The following BICDL1 variants were observed in gnomAD, a reference collection of about 807,000 sequenced individuals.
BICDL1 encodes the protein BICD family like cargo adaptor 1, also known as BICD family-like cargo adapter 1.
Under a neutral mutation model 76.8 loss-of-function variants are expected in BICDL1, and 20 were observed. That is an observed-to-expected ratio of 0.26 (90% CI 0.18 to 0.38). The LOEUF is 0.38. Among genes scored for constraint, BICDL1 ranks in the 10% least tolerant of loss-of-function variants. BICDL1 has a pLI of 1.00. For synonymous variants in BICDL1, 383 were observed against 337.1 expected, an observed-to-expected ratio of 1.14 and a Z score of -1.49; for missense variants, 700 against 798.6, an observed-to-expected ratio of 0.88 and a Z score of 1.49.
At chr12:120,083,344 C>T (rs958753379) in intron 8 of BICDL1, among the ~76,000 whole-genome samples, 1 of 152,062 alleles carries the variant, frequency 6.6e-6, no homozygotes, top group Non-Finnish European at 1.5e-5. Flanking sequence ...GCATCTTTGA[C>T]CTCCTGGGCT....
chr12:120,012,281 G>A (rs748782157), intron 2 of BICDL1, among the ~76,000 whole-genome samples: 5 of 152,142 alleles, frequency 3.3e-5, no homozygotes, highest in African/African-American at 1.2e-4. Flanking sequence ...GGAATGAGGA[G>A]GTGTTTATGT....
rs757052720 is a variant in BICDL1 at position 120,061,824 on chromosome 12, G to A, written c.760G>A (p.Glu254Lys). ...TATCCGGCTGGAGAGCCTTCAGGCC[G>A]AGGTGAGCCTCCCGACACAGCAGTG... ...HIIRLESLQA[E>K]IKMLSDRKRE... is the part of the protein sequence containing the mutation. The change falls in exon 3 of 10, where the codon GAG (glutamate) becomes AAG (lysine). Residue 254 changes from glutamate (E) to lysine (K), a missense_variant and splice_region_variant. Coordinates refer to ENST00000548673, the MANE Select transcript of BICDL1 (RefSeq NM_001367886.1). The A allele has an allele frequency of 4.3e-6, 7 of 1,610,548 alleles. No individual in the cohort carries two copies. The highest frequency in any genetic ancestry group is 3.3e-5 in the Admixed American group (2 of 59,988).
chr12:120,014,043 A>G (rs1292329917), intron 2 of BICDL1, among the ~76,000 whole-genome samples: 1 of 152,228 alleles, frequency 6.6e-6, no homozygotes, highest in African/African-American at 2.4e-5. Flanking sequence ...ATCTAAGGTC[A>G]CAGCCAGTAA....
At chr12:120,047,069 A>G (rs1367532091) in intron 2 of BICDL1, among the ~76,000 whole-genome samples, 3 of 152,216 alleles carry the variant, frequency 2.0e-5, no homozygotes, top group Non-Finnish European at 4.4e-5. Flanking sequence ...AAGGATAATA[A>G]CAAAACTTTT....
At position 120,006,491 on chromosome 12, in the gene BICDL1, A is replaced by C. The variant is rs1951852895; in HGVS notation, c.645+7755A>C. ...AAGTTGACAGTAAAGAAGGAAATAC[A>C]TAAACAGACAAATCAGCTAGTGATA... On this transcript the variant is annotated intron_variant, in intron 2 of 9. Coordinates refer to ENST00000548673, the MANE Select transcript of BICDL1 (RefSeq NM_001367886.1). 3.3e-5 allele frequency among the ~76,000 whole-genome samples: 5 copies of C among 152,370 alleles called. No individual in the cohort carries two copies. The South Asian group carries it at 1.0e-3, about 32-fold the overall frequency.
At chr12:120,073,956 G>T (rs1873317697) in intron 6 of BICDL1, among the ~76,000 whole-genome samples, 1 of 152,116 alleles carries the variant, frequency 6.6e-6, no homozygotes, top group Non-Finnish European at 1.5e-5. Context: ...GTCTCGCTCT[G>T]TTGCCCAGGC....
At chr12:119,990,405 C>G in intron 1 of BICDL1, 108 bp downstream of exon 1, 2 of 1,496,648 alleles carry the variant, frequency 1.3e-6, no homozygotes, top group Non-Finnish European at 1.8e-6. Flanking sequence ...CTCACCCTAC[C>G]TCGCAGAAAA....
intron 2 of BICDL1, among the ~76,000 whole-genome samples, chr12:120,007,976 G>A (rs1290616544): frequency 6.6e-6 from 1 of 152,086 alleles, no homozygotes; most frequent in Non-Finnish European, 1.5e-5. Context: ...TTAAAAGTCT[G>A]CTTCGTTTAC....
intron 1 of BICDL1, among the ~76,000 whole-genome samples, chr12:119,996,180 C>T (rs1375443939): frequency 1.3e-5 from 2 of 152,104 alleles, no homozygotes; most frequent in Admixed American, 6.6e-5. Flanking sequence ...GAGTTGTCTC[C>T]TTAAAGTTGT....
At chr12:120,059,214 A>G (rs1953049819) in intron 2 of BICDL1, among the ~76,000 whole-genome samples, 1 of 150,950 alleles carries the variant, frequency 6.6e-6, no homozygotes, top group African/African-American at 2.4e-5. Flanking sequence ...TTCTGCCTCA[A>G]CCTCCCAATA....
chr12:119,996,949 GAT>G (rs1491469333), intron 1 of BICDL1, among the ~76,000 whole-genome samples: 6 of 148,260 alleles, frequency 4.0e-5, no homozygotes, highest in Non-Finnish European at 3.0e-5. Flanking sequence ...GAAACAAAAA[GAT>G]TTTTTTTTTT....
chr12:120,029,722 G>A (rs533498607), intron 2 of BICDL1, among the ~76,000 whole-genome samples: 2 of 151,778 alleles, frequency 1.3e-5, no homozygotes, highest in South Asian at 4.2e-4. Flanking sequence ...GTGCAGTGTC[G>A]CGATCTCACT....
At chr12:120,092,926 C>T in intron 9 of BICDL1, 74 bp from the exon 10 acceptor site, 2 of 1,486,526 alleles carry the variant, frequency 1.3e-6, no homozygotes, top group South Asian at 1.4e-5. Flanking sequence ...CTGATGTTCC[C>T]ACCTCCCTGT....
At chr12:120,041,116 A>G (rs1952633926) in intron 2 of BICDL1, among the ~76,000 whole-genome samples, 1 of 152,202 alleles carries the variant, frequency 6.6e-6, no homozygotes, top group Non-Finnish European at 1.5e-5. Flanking sequence ...TTATGTTTGA[A>G]TTCTTGTTGA....
At chr12:120,090,569 T>C (rs1251607030) in intron 9 of BICDL1, among the ~76,000 whole-genome samples, 1 of 140,750 alleles carries the variant, frequency 7.1e-6, no homozygotes, top group Non-Finnish European at 1.5e-5. Context: ...ACCCACTGTT[T>C]TCAGGGTCCA....
chr12:120,089,889 G>A (rs1874817232), intron 8 of BICDL1, 62 bp from the exon 9 acceptor site: 3 of 1,586,456 alleles, frequency 1.9e-6, no homozygotes, highest in Middle Eastern at 1.7e-4. Context: ...GGTGCCCCAA[G>A]TAAAGACCAA....
chr12:120,064,780 C>A lies in BICDL1; in HGVS notation c.810C>A (p.Ser270Arg). 7 of 1,613,600 alleles carry A rather than the reference C, an allele frequency of 4.3e-6. No individual in the cohort carries two copies. The highest frequency in any genetic ancestry group is 5.9e-6 in the Non-Finnish European group (7 of 1,179,810). Reference protein sequence around the residue: ...DRKRELEHRLSATLEENDLLQ... With the variant: ...DRKRELEHRLRATLEENDLLQ... ...AACGGGAGCTGGAGCATCGTCTCAG[C>A]GCTACTTTAGAGGAAAATGACCTGC... Residue 270 changes from serine to arginine, a missense_variant, in exon 4 of 10, where the codon AGC becomes AGA. Physicochemically the swap from Ser to Arg is moderately radical, Grantham distance 110 (BLOSUM62 -1). Transcript: ENST00000548673.
At chr12:120,061,364 T>C (rs180881715) in intron 2 of BICDL1, among the ~76,000 whole-genome samples, 5 of 152,336 alleles carry the variant, frequency 3.3e-5, no homozygotes, top group East Asian at 1.9e-4. Context: ...TCTTATTCTT[T>C]TATGTAAAAT....
intron 2 of BICDL1, among the ~76,000 whole-genome samples, chr12:120,017,653 G>T (rs1594120452): frequency 6.6e-6 from 1 of 151,972 alleles, no homozygotes; most frequent in African/African-American, 2.4e-5. Context: ...GATCACTTGA[G>T]CCCAGGAGTT....
Sources: allele counts gnomAD v4.1 joint callset (sites outside exome capture counted in the v4.1 genomes callset), GRCh38; gene constraint gnomAD v4.1.1; transcripts MANE v1.5; gene names NCBI Gene and HGNC (gene_info 2026-07-23, HGNC 2026-07-21).